Variants in ECD observed in about 807,000 individuals in gnomAD.
ECD encodes protein ecdysoneless homolog.
In ECD, 59 loss-of-function variants were observed where a neutral mutation model predicts 77.2. That is an observed-to-expected ratio of 0.76 (90% confidence interval 0.62 to 0.95). ECD has a LOEUF of 0.95. ECD is among the 40% of genes least tolerant of loss of function. The pLI is 0.00. For missense variants in ECD, 704 were observed against 763.4 expected (o/e 0.92, Z 0.92); for synonymous variants, 233 against 267.4 (o/e 0.87, Z 1.26).
intron 9 of ECD, among the ~76,000 whole-genome samples, chr10:73,143,957 G>A (rs1843092530): frequency 6.6e-6 from 1 of 151,490 alleles, no homozygotes; most frequent in Non-Finnish European, 1.5e-5. Context: ...GGCAATGTCT[G>A]GAGACATTTT....
At chr10:73,159,303 T>C (rs1318611505) in intron 3 of ECD, among the ~76,000 whole-genome samples, 1 of 152,278 alleles carries the variant, frequency 6.6e-6, no homozygotes, top group African/African-American at 2.4e-5. Context: ...TGTTACCTAC[T>C]TTGCTTCCTA....
chr10:73,153,957 G>C (rs987293869), intron 6 of ECD, among the ~76,000 whole-genome samples: 2 of 152,048 alleles, frequency 1.3e-5, no homozygotes, highest in Non-Finnish European at 2.9e-5. Context: ...TATGCTCAAA[G>C]TTTTGAGATT....
intron 10 of ECD, 65 bp from the exon 11 acceptor site, chr10:73,139,560 C>G: frequency 6.3e-7 from 1 of 1,591,244 alleles, no homozygotes; most frequent in Non-Finnish European, 8.5e-7. Context: ...GGAGAGGATC[C>G]TGTGAGACTG....
chr10:73,153,433 A>G (rs1843243413), intron 6 of ECD, among the ~76,000 whole-genome samples: 1 of 148,784 alleles, frequency 6.7e-6, no homozygotes, highest in South Asian at 2.3e-4. Context: ...GAAATGTTTT[A>G]TTGTTAAGAA....
intron 7 of ECD, among the ~76,000 whole-genome samples, chr10:73,150,971 T>C: frequency 6.6e-6 from 1 of 152,162 alleles, no homozygotes; most frequent in East Asian, 1.9e-4. Flanking sequence ...AGTGTGGCGA[T>C]TCCTCAGGGA....
intron 9 of ECD, among the ~76,000 whole-genome samples, chr10:73,140,379 A>T (rs949423819): frequency 2.0e-5 from 3 of 152,058 alleles, no homozygotes; most frequent in Non-Finnish European, 4.4e-5. Flanking sequence ...GGGTCAAAGA[A>T]AAATGGCCTT....
At chr10:73,141,166 T>G (rs376561354) in intron 9 of ECD, among the ~76,000 whole-genome samples, 2 of 152,086 alleles carry the variant, frequency 1.3e-5, no homozygotes, top group East Asian at 3.9e-4. Flanking sequence ...GAGGTTGCAG[T>G]GAGCCAGGAT....
At chr10:73,160,919 T>C (rs1353327086) in intron 2 of ECD, among the ~76,000 whole-genome samples, 3 of 152,088 alleles carry the variant, frequency 2.0e-5, no homozygotes, top group Admixed American at 1.3e-4. Flanking sequence ...ATGTATAGAG[T>C]ATTCTGGGAA....
chr10:73,146,364 T>TA lies in ECD; in HGVS notation c.1042-4dup, dbSNP rs746646077. The stretch of plus-strand genomic sequence containing the variant: ...TGAGCAGAACCTTCTATCAGTCCCT[T>TA]AAAAAAAAAAAAAGGTCTATCAGAA... On this transcript the variant is annotated splice_polypyrimidine_tract_variant and splice_region_variant and intron_variant, in intron 8 of 13. Coordinates refer to ENST00000372979, the MANE Select transcript of ECD (RefSeq NM_007265.3). 0.069 allele frequency: 87,578 copies of TA among 1,267,570 alleles called. No individual in the cohort carries two copies. The highest frequency in any genetic ancestry group is 0.075 in the Non-Finnish European group (69,263 of 925,196). 78.5% of individuals were successfully genotyped at this position (1,267,570 alleles called of 1,614,324 possible). A position where few individuals can be genotyped will look rare whatever the true frequency, so the allele number is the denominator to read the frequency against.
Position 73,136,950 on chromosome 10 carries a change from T to A in ECD, c.1490-32A>T, listed in dbSNP as rs774961698. 58 of 1,152,380 alleles carry A rather than the reference T, an allele frequency of 5.0e-5. 1 individual carries two copies. The highest frequency in any genetic ancestry group is 6.4e-5 in the Non-Finnish European group (55 of 865,038). The allele number at this position is 1,152,380 out of a possible 1,614,324, so 71.4% of individuals were successfully genotyped here. ...AGATCCCAAGAAAGAAAGAGCCACT[T>A]AGTAATTATTATTATTATTATTATT... On this transcript the variant is annotated intron_variant, in intron 12 of 13. Coordinates refer to ENST00000372979, the MANE Select transcript of ECD (RefSeq NM_007265.3).
chr10:73,149,534 A>ATTTG (rs1843175086), intron 7 of ECD, among the ~76,000 whole-genome samples: 1 of 152,234 alleles, frequency 6.6e-6, no homozygotes, highest in Non-Finnish European at 1.5e-5. Context: ...ACTGTATTCA[A>ATTTG]TAAATTACAT....
rs1843133203 is a variant in ECD at position 73,146,696 on chromosome 10, G to C, written c.1042-335C>G. 4.6e-5 allele frequency among the ~76,000 whole-genome samples: 7 copies of C among 152,154 alleles called. No individual in the cohort carries two copies. The South Asian group carries it at 1.5e-3, about 32-fold the overall frequency. The stretch of plus-strand genomic sequence containing the variant: ...TCACGCCTATAATCCCAACACTTTG[G>C]GAGGATGAGATGGGCAGACTGCTTG... On this transcript the variant is annotated intron_variant, in intron 8 of 13. Transcript: ENST00000372979.
chr10:73,167,917 C>A lies in ECD; in HGVS notation c.-65G>T, dbSNP rs1476642166. ...CTGCTGTGGCACCTTTCCTTAGCCG[C>A]CTCTCCGACTGCGAGAGCTGATCGA... is the stretch of plus-strand genomic sequence containing the variant. On this transcript the variant is annotated 5_prime_UTR_variant, in exon 1 of 14. Coordinates refer to ENST00000372979, the MANE Select transcript of ECD (RefSeq NM_007265.3). 5.0e-6 allele frequency: 1 copy of A among 200,524 alleles called. No individual in the cohort carries two copies. The highest frequency in any genetic ancestry group is 1.0e-5 in the Non-Finnish European group (1 of 99,766). 12.4% of individuals were successfully genotyped at this position (200,524 alleles called of 1,614,324 possible).
chr10:73,148,968 T>A (rs1447452305), intron 7 of ECD, among the ~76,000 whole-genome samples: 1 of 152,206 alleles, frequency 6.6e-6, no homozygotes, highest in African/African-American at 2.4e-5. Context: ...TGCCTCTCTG[T>A]ATGCATAGCT....
At chr10:73,154,175 G>A in intron 6 of ECD, 81 bp downstream of exon 6, 2 of 1,386,726 alleles carry the variant, frequency 1.4e-6, no homozygotes, top group Non-Finnish European at 1.9e-6. Context: ...TGAGCACTGA[G>A]AAATGTAAAA....
intron 3 of ECD, among the ~76,000 whole-genome samples, chr10:73,157,883 A>G (rs1461454598): frequency 6.6e-6 from 1 of 151,984 alleles, no homozygotes; most frequent in East Asian, 1.9e-4. Context: ...TCCCTTTTTT[A>G]CACAAGACAT....
At chr10:73,162,407 C>A (rs1006599768) in intron 2 of ECD, among the ~76,000 whole-genome samples, 3 of 152,030 alleles carry the variant, frequency 2.0e-5, no homozygotes, top group African/African-American at 7.3e-5. Flanking sequence ...GATGGCAATG[C>A]CATTAAACAA....
At chr10:73,152,496 T>C in intron 6 of ECD, 75 bp from the exon 7 acceptor site, 4 of 1,494,426 alleles carry the variant, frequency 2.7e-6, no homozygotes, top group Admixed American at 3.5e-5. Context: ...CAGTTAAATA[T>C]AATGAGAAGT....
intron 3 of ECD, among the ~76,000 whole-genome samples, chr10:73,157,676 C>G (rs376381839): frequency 1.3e-5 from 2 of 151,092 alleles, no homozygotes; most frequent in South Asian, 4.2e-4. Flanking sequence ...GAGCCGAGAT[C>G]GCACCATTGC....
Sources: allele counts gnomAD v4.1 joint callset (sites outside exome capture counted in the v4.1 genomes callset), GRCh38; gene constraint gnomAD v4.1.1; transcripts MANE v1.5; gene names NCBI Gene and HGNC (gene_info 2026-07-23, HGNC 2026-07-21).